The following ZNF565 variants were observed in gnomAD, a reference collection of about 807,000 sequenced individuals.
The protein encoded by ZNF565 is zinc finger protein 565.
ZNF565 carries 27 observed loss-of-function variants against 39.4 expected under a neutral mutation model. The ratio of observed to expected loss-of-function variants is 0.69; its 90% CI spans 0.51 to 0.95. ZNF565 has a LOEUF of 0.95. ZNF565 is among the 40% of genes least tolerant of loss of function. The pLI is 0.00. For synonymous variants in ZNF565, 185 were observed against 216.6 expected (o/e 0.85, Z 1.28); for missense variants, 524 against 621.1 (o/e 0.84, Z 1.66).
upstream of ZNF565, among the ~76,000 whole-genome samples, chr19:36,215,829 G>C (rs1234109063): frequency 6.6e-6 from 1 of 152,138 alleles, no homozygotes; most frequent in African/African-American, 2.4e-5. Context: ...ACGGCGCCCA[G>C]GATGAGGGAG....
At chr19:36,212,436 A>AC (rs1331178896) in intron 1 of ZNF565, among the ~76,000 whole-genome samples, 6 of 151,148 alleles carry the variant, frequency 4.0e-5, no homozygotes, top group East Asian at 1.9e-4. Context: ...ACATGGTGAA[A>AC]CCCCCCTCCC....
intron 2 of ZNF565, among the ~76,000 whole-genome samples, chr19:36,197,870 A>G (rs1975821595): frequency 6.6e-6 from 1 of 152,098 alleles, no homozygotes. Context: ...TCAGTAGGCC[A>G]GGCGTGGTGG....
intron 1 of ZNF565, among the ~76,000 whole-genome samples, chr19:36,222,724 T>C (rs1183358114): frequency 6.6e-6 from 1 of 150,780 alleles, no homozygotes; most frequent in Admixed American, 6.6e-5. Context: ...GTCTTCTCCT[T>C]AGAGGAGCTG....
intron 1 of ZNF565, among the ~76,000 whole-genome samples, chr19:36,224,208 C>G (rs950008087): frequency 3.3e-5 from 5 of 152,110 alleles, no homozygotes; most frequent in Non-Finnish European, 4.4e-5. Flanking sequence ...ATGGAGAAAC[C>G]CTGTCTCTAC....
At chr19:36,196,176 C>T (rs1201694438) in intron 2 of ZNF565, among the ~76,000 whole-genome samples, 2 of 152,120 alleles carry the variant, frequency 1.3e-5, no homozygotes, top group South Asian at 2.1e-4. Flanking sequence ...ATGATACGCC[C>T]GCCTTGGCCT....
At chr19:36,206,152 G>A (rs931812684) in intron 1 of ZNF565, among the ~76,000 whole-genome samples, 7 of 151,922 alleles carry the variant, frequency 4.6e-5, no homozygotes, top group Admixed American at 1.3e-4. Context: ...TGTAGAGACG[G>A]GGACTCGTCA....
intron 1 of ZNF565, among the ~76,000 whole-genome samples, chr19:36,230,227 G>T (rs1970164294): frequency 6.6e-6 from 1 of 152,142 alleles, no homozygotes; most frequent in Non-Finnish European, 1.5e-5. Flanking sequence ...CTCAAAAGAA[G>T]TAAACCCATT....
chr19:36,222,259 A>AT (rs1234506867), intron 1 of ZNF565, among the ~76,000 whole-genome samples: 1 of 151,502 alleles, frequency 6.6e-6, no homozygotes, highest in Non-Finnish European at 1.5e-5. Flanking sequence ...TTTAAAAGAA[A>AT]TTTTTTTTTC....
chr19:36,195,266 C>T (rs898426588), intron 2 of ZNF565, 110 bp from the exon 3 acceptor site: 177 of 1,258,704 alleles, frequency 1.4e-4, no homozygotes, highest in Non-Finnish European at 1.6e-4. Context: ...TAATGGCCCC[C>T]CGATATGCAC....
At chr19:36,190,032 C>T (rs1349867942) in intron 4 of ZNF565, among the ~76,000 whole-genome samples, 1 of 152,022 alleles carries the variant, frequency 6.6e-6, no homozygotes, top group East Asian at 2.0e-4. Flanking sequence ...TGGGGTTTCA[C>T]CATGTTGGCC....
At chr19:36,223,273 G>T (rs1976931020) in intron 1 of ZNF565, among the ~76,000 whole-genome samples, 1 of 150,846 alleles carries the variant, frequency 6.6e-6, no homozygotes, top group South Asian at 2.1e-4. Context: ...AAAAAATTTA[G>T]CCAGTCATTG....
intron 1 of ZNF565, among the ~76,000 whole-genome samples, chr19:36,231,220 T>C (rs998569553): frequency 2.0e-5 from 3 of 151,816 alleles, no homozygotes; most frequent in Non-Finnish European, 2.9e-5. Context: ...AAAGTTCTTC[T>C]TTTTTTTGAG....
intron 2 of ZNF565, among the ~76,000 whole-genome samples, chr19:36,197,886 G>A (rs1325586128): frequency 2.0e-5 from 3 of 152,116 alleles, no homozygotes; most frequent in African/African-American, 7.2e-5. Context: ...GGTGGCTCAC[G>A]CCTGTAATCT....
intron 3 of ZNF565, chr19:36,194,566 A>C (rs1325296502): frequency 2.0e-6 from 1 of 488,968 alleles, no homozygotes. Flanking sequence ...CATAATGAAG[A>C]AACCAGAAAT....
At chr19:36,188,759 T>C (rs1224519564) in intron 4 of ZNF565, among the ~76,000 whole-genome samples, 4 of 147,310 alleles carry the variant, frequency 2.7e-5, no homozygotes, top group African/African-American at 1.0e-4. Context: ...AACAGATGAG[T>C]GAATAAACAA....
In ZNF565 at chr19:36,227,182, G is replaced by T. The variant is rs1351434570; in HGVS notation, c.55+18294C>A. On this transcript the variant is annotated intron_variant, in intron 1 of 4. Transcript: ENST00000355114. ...GGTGGGCGGATCACCTGAGGTCAGGGGTTCAAGACCAGCCTGGCCAATGTG... is the reference window on the plus strand; with the variant it reads ...GGTGGGCGGATCACCTGAGGTCAGGTGTTCAAGACCAGCCTGGCCAATGTG... Among the ~76,000 whole-genome samples the T allele has an allele frequency of 4.1e-5, 6 of 147,396 alleles. No homozygotes were observed. The Admixed American group carries it at 4.1e-4, about 10-fold the overall frequency.
upstream of ZNF565, among the ~76,000 whole-genome samples, chr19:36,219,212 A>T (rs1406768645): frequency 2.0e-5 from 3 of 152,066 alleles, no homozygotes; most frequent in Non-Finnish European, 4.4e-5. Context: ...GGCTGGGTGC[A>T]CTGGTGCGAT....
upstream of ZNF565, among the ~76,000 whole-genome samples, chr19:36,216,182 T>C (rs1377573407): frequency 6.6e-6 from 1 of 152,196 alleles, no homozygotes; most frequent in Non-Finnish European, 1.5e-5. Flanking sequence ...AAAACTAATA[T>C]TTACAATAGC....
Position 36,245,526 on chromosome 19 carries a change from C to A in ZNF565, c.5G>T (p.Arg2Leu), listed in dbSNP as rs571905666. The A allele has an allele frequency of 2.8e-6, 2 of 702,050 alleles. No individual in the cohort carries two copies. The highest frequency in any genetic ancestry group is 1.5e-5 in the South Asian group (1 of 67,576). 43.5% of individuals were successfully genotyped at this position (702,050 alleles called of 1,614,324 possible). A position where few individuals can be genotyped will look rare whatever the true frequency, so the allele number is the denominator to read the frequency against. Residue 2 changes from arginine (R) to leucine (L), a missense_variant, in exon 1 of 5, where the codon CGC becomes CTC. By Grantham distance (102) the Arg-to-Leu change is moderately radical (BLOSUM62 -2). Transcript: ENST00000355114. The surrounding 1 kb of genome is among the most constrained non-coding windows in gnomAD (Gnocchi z 4.4). ...GGACCACCTTTCCCAGGGTCCACGG[C>A]GCATTTAGGTGGTGGCTTGCTCTGG...
Sources: gnomAD v4.1 joint callset for allele counts (sites outside exome capture counted in the v4.1 genomes callset) on GRCh38, gnomAD v4.1.1 for gene constraint, Gnocchi (gnomAD v3.1) non-coding constraint, MANE v1.5 for transcripts, NCBI Gene and HGNC (gene_info 2026-07-23, HGNC 2026-07-21) for gene names.